Variants in HTRA2 observed in about 807,000 individuals in gnomAD.
The protein encoded by HTRA2 is serine protease HTRA2, mitochondrial.
Under a neutral mutation model 42.2 loss-of-function variants are expected in HTRA2, and 24 were observed. The ratio of observed to expected loss-of-function variants is 0.57; its 90% CI spans 0.41 to 0.80. The LOEUF is 0.80. HTRA2 is among the 30% of genes least tolerant of loss of function. The probability of loss-of-function intolerance (pLI) is 0.00; values close to 1 mark genes in which losing one functional copy is unlikely to be tolerated. For synonymous variants in HTRA2, 245 were observed against 255.8 expected, an observed-to-expected ratio of 0.96 and a Z score of 0.40; for missense variants, 466 against 613.5, an observed-to-expected ratio of 0.76 and a Z score of 2.54.
intron 4 of HTRA2, 86 bp from the exon 5 acceptor site, chr2:74,531,511 C>T (rs1675600795): frequency 1.2e-5 from 20 of 1,611,762 alleles, no homozygotes; most frequent in Non-Finnish European, 1.6e-5. Flanking sequence ...ACCAGATCTC[C>T]CCAACACTTG....
Position 74,530,316 on chromosome 2 carries a change from C to T in HTRA2, c.310C>T (p.Arg104Cys), listed in dbSNP as rs1258283301. The part of the protein sequence containing the change: ...EASENSGTRS[R>C]AWLAVALGAG... ...CTCAGAGAACTCTGGAACCCGTTCG[C>T]GCGCGTGGCTGGCGGTGGCGCTGGG... Residue 104 changes from arginine to cysteine, a missense_variant, in exon 1 of 8, where the codon CGC (arginine) becomes TGC (cysteine). Coordinates refer to ENST00000258080, the MANE Select transcript of HTRA2 (RefSeq NM_013247.5). The surrounding 1 kb of genome is among the most constrained non-coding windows in gnomAD (Gnocchi z 7.4). The T allele has an allele frequency of 4.4e-6, 7 of 1,597,448 alleles. No homozygotes were observed. Among genetic ancestry groups the T allele is most frequent in the East Asian group, 4.5e-5 (2 of 44,158 alleles).
intron 6 of HTRA2, among the ~76,000 whole-genome samples, chr2:74,532,214 A>G (rs1421743908): frequency 6.6e-6 from 1 of 152,144 alleles, no homozygotes; most frequent in Non-Finnish European, 1.5e-5. Context: ...AACTTTCTAG[A>G]CCTGGCTGTA....
intron 6 of HTRA2, 105 bp downstream of exon 6, chr2:74,532,030 TG>T (rs2104376798): frequency 9.3e-7 from 1 of 1,080,416 alleles, no homozygotes; most frequent in Non-Finnish European, 1.4e-6. Flanking sequence ...AGATGAACTG[TG>T]TCACACTTGA....
At position 74,533,041 on chromosome 2, in the gene HTRA2, T is replaced by C; in HGVS notation, c.*56T>C. ...CTGATTTCCTCCTTGCCTTTCTGGC[T>C]GAGGTTCTGAGGGCACCGAGACAGA... On this transcript the variant is annotated 3_prime_UTR_variant, in exon 8 of 8. Coordinates refer to ENST00000258080, the MANE Select transcript of HTRA2 (RefSeq NM_013247.5). 1 of 1,558,552 alleles carries C rather than the reference T, an allele frequency of 6.4e-7. No individual in the cohort carries two copies. The highest frequency in any genetic ancestry group is 8.8e-7 in the Non-Finnish European group (1 of 1,134,150).
Position 74,529,996 on chromosome 2 carries a change from A to AGGCGGAGCTGATGGCTGCGCCGAGGGCGG in HTRA2, c.-5_24dup. The AGGCGGAGCTGATGGCTGCGCCGAGGGCGG allele has an allele frequency of 6.6e-7, 1 of 1,523,670 alleles. No homozygotes were observed. Among genetic ancestry groups the AGGCGGAGCTGATGGCTGCGCCGAGGGCGG allele is most frequent in the Non-Finnish European group, 8.8e-7 (1 of 1,133,964 alleles). The allele number at this position is 1,523,670 out of a possible 1,614,324, so 94.4% of individuals were successfully genotyped here. On this transcript the variant is annotated 5_prime_UTR_variant, in exon 1 of 8. In the 5' UTR this introduces an upstream ATG that the reference lacks. Coordinates refer to ENST00000258080, the MANE Select transcript of HTRA2 (RefSeq NM_013247.5). Reference sequence around the variant, plus strand: ...AGTAGGGCGGGCGAGGAGGCAGCCAAGGCGGAGCTGATGGCTGCGCCGAGG... The same window carrying AGGCGGAGCTGATGGCTGCGCCGAGGGCGG: ...AGTAGGGCGGGCGAGGAGGCAGCCAAGGCGGAGCTGATGGCTGCGCCGAGGGCGGGGCGGAGCTGATGGCTGCGCCGAGG...
rs1288999799 is a variant in HTRA2 at position 74,530,413 on chromosome 2, C to G, written c.407C>G (p.Pro136Arg). The change falls in exon 1 of 8, where the codon CCT becomes CGT. Residue 136 changes from proline to arginine, a missense_variant. Physicochemically the swap from Pro to Arg is moderately radical, Grantham distance 103 (BLOSUM62 -2). Around this residue, in one of 3 missense-constraint regions of HTRA2, gnomAD observed 222 missense variants for 205.1 expected, o/e 1.08. Coordinates refer to ENST00000258080, the MANE Select transcript of HTRA2 (RefSeq NM_013247.5). This position sits in a 1 kb window ranked among gnomAD's most constrained non-coding sequence, Gnocchi z 7.4. ...CCTCCGGCCGTCCTCGCCGCCGTCC[C>G]TAGCCCGCCGCCCGCTTCTCCCCGG... is the stretch of plus-strand genomic sequence containing the variant. Reference protein sequence around the residue: ...RGPPAVLAAVPSPPPASPRSQ... With the variant: ...RGPPAVLAAVRSPPPASPRSQ... 6 of 1,600,298 alleles carry G rather than the reference C, an allele frequency of 3.7e-6. No homozygotes were observed. The highest frequency in any genetic ancestry group is 5.1e-6 in the Non-Finnish European group (6 of 1,177,094).
chr2:74,532,272 G>A (rs1675666293), intron 6 of HTRA2: 2 of 480,424 alleles, frequency 4.2e-6, no homozygotes, highest in East Asian at 4.1e-5. Context: ...CTACTCCCAT[G>A]TTTTTTATTT....
At chr2:74,529,707 G>A, upstream of HTRA2, 2 of 1,533,202 alleles carry the variant, frequency 1.3e-6, no homozygotes, top group Non-Finnish European at 1.7e-6. Flanking sequence ...TTGGGAAGGC[G>A]GAGTCTTTGG....
At position 74,533,058 on chromosome 2, in the gene HTRA2, C is replaced by A; in HGVS notation, c.*73C>A. On this transcript the variant is annotated 3_prime_UTR_variant, in exon 8 of 8. Transcript: ENST00000258080. Reference sequence around the variant, plus strand: ...TTTCTGGCTGAGGTTCTGAGGGCACCGAGACAGAGGGTTAAATGAACCAGT... The same window carrying A: ...TTTCTGGCTGAGGTTCTGAGGGCACAGAGACAGAGGGTTAAATGAACCAGT... The A allele has an allele frequency of 6.8e-7, 1 of 1,472,374 alleles. No individual in the cohort carries two copies. The highest frequency in any genetic ancestry group is 9.4e-7 in the Non-Finnish European group (1 of 1,060,248). The allele number at this position is 1,472,374 out of a possible 1,614,324, so 91.2% of individuals were successfully genotyped here. A position where few individuals can be genotyped will look rare whatever the true frequency, so the allele number is the denominator to read the frequency against.
At position 74,531,494 on chromosome 2, in the gene HTRA2, A is replaced by G. The variant is rs566754339; in HGVS notation, c.940-103A>G. 29 of 1,610,498 alleles carry G rather than the reference A, an allele frequency of 1.8e-5. No homozygotes were observed. The East Asian group carries it at 4.9e-4, about 27-fold the overall frequency. On this transcript the variant is annotated intron_variant, in intron 4 of 7. Coordinates refer to ENST00000258080, the MANE Select transcript of HTRA2 (RefSeq NM_013247.5). ...GCAGTTCTTTGTTGGCTATCTCTCAATATCCAACCAGATCTCCCCAACACT... is the reference window on the plus strand; with the variant it reads ...GCAGTTCTTTGTTGGCTATCTCTCAGTATCCAACCAGATCTCCCCAACACT...
chr2:74,529,586 G>A (rs759024170), upstream of HTRA2: 4 of 1,566,726 alleles, frequency 2.6e-6, no homozygotes, highest in Non-Finnish European at 2.6e-6. Flanking sequence ...TTACCGGTGC[G>A]AGTCAAAGAG....
chr2:74,530,183 C>T lies in HTRA2; in HGVS notation c.177C>T (p.Ala59=), dbSNP rs777781907. The change falls in exon 1 of 8, where the codon GCC becomes GCT. Residue 59 remains alanine (A), a synonymous_variant. Coordinates refer to ENST00000258080, the MANE Select transcript of HTRA2 (RefSeq NM_013247.5). The surrounding 1 kb of genome is among the most constrained non-coding windows in gnomAD (Gnocchi z 7.4). ...RVTYGTPSLW[A]RLSVGVTEPR... ...CTTATGGGACCCCCAGTCTCTGGGC[C>T]CGGTTGTCTGTTGGGGTCACTGAAC... is the stretch of plus-strand genomic sequence containing the variant. The T allele has an allele frequency of 1.2e-5, 20 of 1,611,792 alleles. No homozygotes were observed. Among genetic ancestry groups the T allele is most frequent in the Admixed American group, 1.7e-5 (1 of 59,834 alleles).
intron 3 of HTRA2, 72 bp from the exon 4 acceptor site, chr2:74,531,267 G>A (rs371349095): frequency 2.5e-6 from 4 of 1,581,538 alleles, no homozygotes; most frequent in African/African-American, 1.3e-5. Context: ...TTTGGAGAAA[G>A]TACCTACATC....
At chr2:74,529,779 A>G, upstream of HTRA2, 1 of 1,457,752 alleles carries the variant, frequency 6.9e-7, no homozygotes, top group Non-Finnish European at 9.0e-7. Flanking sequence ...TAGCGGTCCC[A>G]GCATACCCCG....
At chr2:74,531,165 A>G in intron 3 of HTRA2, 60 bp downstream of exon 3, 1 of 1,581,070 alleles carries the variant, frequency 6.3e-7, no homozygotes, top group Non-Finnish European at 8.7e-7. Context: ...GCTGTGTGGT[A>G]CAAGCACCAA....
In HTRA2 at chr2:74,530,904, C is replaced by G; in HGVS notation, c.712-7C>G. ...ATGACAGGTCTCTTTTACCCATTCTCCCTTAGGAGCCTCTCCCCACGCTGC... is the reference window on the plus strand; with the variant it reads ...ATGACAGGTCTCTTTTACCCATTCTGCCTTAGGAGCCTCTCCCCACGCTGC... On this transcript the variant is annotated splice_polypyrimidine_tract_variant and splice_region_variant and intron_variant, in intron 2 of 7. Transcript: ENST00000258080. This position sits in a 1 kb window ranked among gnomAD's most constrained non-coding sequence, Gnocchi z 7.4. The G allele has an allele frequency of 6.2e-7, 1 of 1,614,156 alleles. No homozygotes were observed. The highest frequency in any genetic ancestry group is 8.5e-7 in the Non-Finnish European group (1 of 1,180,034).
chr2:74,532,881 G>T lies in HTRA2; in HGVS notation c.1273G>T (p.Glu425Ter). The change falls in exon 8 of 8, where the codon GAA becomes TAA. Residue 425 changes from glutamate (E) to a stop codon, truncating the protein, a stop_gained. Transcript: ENST00000258080. LOFTEE classifies it high-confidence loss of function. ...TGGGGAGCAGATGGTACAAAATGCTGAAGATGTTTATGAAGCTGTTCGAAC... is the reference window on the plus strand; with the variant it reads ...TGGGGAGCAGATGGTACAAAATGCTTAAGATGTTTATGAAGCTGTTCGAAC... Reference protein sequence around the residue: ...AIGEQMVQNAEDVYEAVRTQS... With the variant: ...AIGEQMVQNA 1 of 1,614,132 alleles carries T rather than the reference G, an allele frequency of 6.2e-7. No individual in the cohort carries two copies. The highest frequency in any genetic ancestry group is 8.5e-7 in the Non-Finnish European group (1 of 1,180,024).
chr2:74,531,427 G>C, intron 4 of HTRA2, 56 bp downstream of exon 4: 1 of 1,607,184 alleles, frequency 6.2e-7, no homozygotes, highest in Non-Finnish European at 8.5e-7. Flanking sequence ...TGTGGGAAGG[G>C]TAGGTTTCCC....
upstream of HTRA2, chr2:74,529,594 G>T: frequency 6.4e-7 from 1 of 1,568,382 alleles, no homozygotes; most frequent in Non-Finnish European, 8.7e-7. Context: ...GCGAGTCAAA[G>T]AGCCGCTCCG....
Sources: gnomAD v4.1 joint callset for allele counts (sites outside exome capture counted in the v4.1 genomes callset) on GRCh38, gnomAD v4.1.1 for gene constraint, gnomAD v4.1.1 regional missense constraint, Gnocchi (gnomAD v3.1) non-coding constraint, MANE v1.5 for transcripts, NCBI Gene and HGNC (gene_info 2026-07-23, HGNC 2026-07-21) for gene names.